LINGO2: variants seen among roughly 807,000 people sequenced by gnomAD.
The protein encoded by LINGO2 is leucine-rich repeat and immunoglobulin-like domain-containing nogo receptor-interacting protein 2.
LINGO2 carries 14 observed loss-of-function variants against 30.6 expected under a neutral mutation model. The ratio of observed to expected loss-of-function variants is 0.46; its 90% CI spans 0.30 to 0.72. LINGO2 has a LOEUF of 0.72. Ranked by LOEUF, LINGO2 falls within the 30% of genes least tolerant of loss-of-function variation. LINGO2 has a pLI of 0.07. For synonymous variants in LINGO2, 317 were observed against 288.5 expected (o/e 1.10, Z -1.00); for missense variants, 729 against 751.7 (o/e 0.97, Z 0.35).
chr9:28,199,733 T>C (rs1281479249), intron 4 of LINGO2, among the ~76,000 whole-genome samples: 3 of 152,164 alleles, frequency 2.0e-5, no homozygotes, highest in Non-Finnish European at 2.9e-5. Flanking sequence ...TTAACATTTT[T>C]TCACATATTA....
chr9:28,082,666 A>T (rs1825805226), intron 4 of LINGO2, among the ~76,000 whole-genome samples: 2 of 152,182 alleles, frequency 1.3e-5, no homozygotes, highest in South Asian at 4.1e-4. Flanking sequence ...TTTAATTTTT[A>T]AAAACTACGT....
chr9:28,484,688 C>T (rs959212149), intron 1 of LINGO2, among the ~76,000 whole-genome samples: 6 of 152,160 alleles, frequency 3.9e-5, no homozygotes, highest in Admixed American at 2.0e-4. Flanking sequence ...ATGAGAATAA[C>T]TAAATTTATC....
intron 3 of LINGO2, among the ~76,000 whole-genome samples, chr9:28,348,189 G>A (rs567253540): frequency 1.6e-4 from 24 of 152,258 alleles, no homozygotes; most frequent in East Asian, 1.4e-3. Context: ...AGCTCCCAGC[G>A]TGAGCGACGC....
the LINGO2 span, among the ~76,000 whole-genome samples, chr9:28,855,956 AAACCTTCTCTTTTGG>A: frequency 2.0e-5 from 3 of 152,042 alleles, no homozygotes; most frequent in Non-Finnish European, 2.9e-5. Flanking sequence ...CACAGAGGTA[AAACCTTCTCTTTTGG>A]ACCTTGATCA....
intron 1 of LINGO2, among the ~76,000 whole-genome samples, chr9:28,484,262 A>C (rs1003147102): frequency 2.0e-5 from 3 of 152,050 alleles, no homozygotes; most frequent in African/African-American, 7.2e-5. Flanking sequence ...TTTTGTTGAC[A>C]AGGAGGGCCC....
chr9:28,758,363 T>G, the LINGO2 span, among the ~76,000 whole-genome samples: 3 of 152,084 alleles, frequency 2.0e-5, no homozygotes, highest in African/African-American at 7.3e-5. Context: ...TTAAATTCAT[T>G]TTGTATTAGT....
chr9:28,617,255 C>G (rs1826170132), intron 1 of LINGO2, among the ~76,000 whole-genome samples: 1 of 151,934 alleles, frequency 6.6e-6, no homozygotes, highest in South Asian at 2.1e-4. Flanking sequence ...TACTTTTCTC[C>G]TCTTTCCGGC....
rs564085266 is a variant in LINGO2 at position 28,240,989 on chromosome 9, G to T, written c.-87+54219C>A. 3.3e-5 allele frequency among the ~76,000 whole-genome samples: 5 copies of T among 152,198 alleles called. No homozygotes were observed. The East Asian group carries it at 9.7e-4, about 29-fold the overall frequency. On this transcript the variant is annotated intron_variant, in intron 4 of 5. Coordinates refer to ENST00000379992, the Ensembl canonical transcript of LINGO2. ...CAAACAACTCCATAAGAAAAAATCT[G>T]GTCGGGCACAGTGGCTCACGCCTGT...
At chr9:28,880,974 T>G in the LINGO2 span, among the ~76,000 whole-genome samples, 1 of 152,038 alleles carries the variant, frequency 6.6e-6, no homozygotes, top group Non-Finnish European at 1.5e-5. Context: ...TTGCTGACCT[T>G]CTCCTTATTA....
At chr9:28,150,358 T>G (rs1827964097) in intron 4 of LINGO2, among the ~76,000 whole-genome samples, 2 of 152,226 alleles carry the variant, frequency 1.3e-5, no homozygotes, top group South Asian at 4.1e-4. Flanking sequence ...TGAAGTTTAC[T>G]TTTTAATTAA....
the LINGO2 span, among the ~76,000 whole-genome samples, chr9:28,804,564 CAAAAA>C: frequency 0.027 from 3,478 of 127,808 alleles, 43 homozygotes; most frequent in South Asian, 0.095. Context: ...AAAACAAAAA[CAAAAA>C]AAAAACAGAT....
chr9:29,086,891 AT>A, the LINGO2 span, among the ~76,000 whole-genome samples: 3,817 of 135,936 alleles, frequency 0.028, 84 homozygotes, highest in African/African-American at 0.071. Context: ...AAGAGCAGTG[AT>A]TTTTTTTTTT....
intron 1 of LINGO2, among the ~76,000 whole-genome samples, chr9:28,493,242 TTTG>T (rs1172588281): frequency 2.0e-5 from 3 of 152,214 alleles, no homozygotes; most frequent in Admixed American, 6.6e-5. Flanking sequence ...AGGGAATCCC[TTTG>T]TTAATACTTC....
chr9:28,743,509 G>C, the LINGO2 span, among the ~76,000 whole-genome samples: 1 of 151,954 alleles, frequency 6.6e-6, no homozygotes, highest in Non-Finnish European at 1.5e-5. Context: ...CAAGGGACAT[G>C]AACTCATCCT....
the LINGO2 span, among the ~76,000 whole-genome samples, chr9:28,886,322 T>C: frequency 6.6e-6 from 1 of 152,036 alleles, no homozygotes; most frequent in Non-Finnish European, 1.5e-5. Context: ...TAAGCTAAAA[T>C]GGTACTATGA....
At chr9:28,904,180 A>AAC in the LINGO2 span, among the ~76,000 whole-genome samples, 12 of 150,890 alleles carry the variant, frequency 8.0e-5, no homozygotes, top group Non-Finnish European at 1.5e-4. Context: ...TAAAAAAAAA[A>AAC]CTCTCAATAA....
chr9:29,163,998 G>T, the LINGO2 span, among the ~76,000 whole-genome samples: 1 of 151,722 alleles, frequency 6.6e-6, no homozygotes, highest in African/African-American at 2.4e-5. Flanking sequence ...TCCATGTCTA[G>T]GTCACAAAAA....
chr9:28,108,018 T>G (rs994088430), intron 4 of LINGO2, among the ~76,000 whole-genome samples: 3 of 152,102 alleles, frequency 2.0e-5, no homozygotes, highest in African/African-American at 7.2e-5. Context: ...ATGAAAATAA[T>G]AGCAGTGCAA....
the LINGO2 span, among the ~76,000 whole-genome samples, chr9:28,884,142 C>G: frequency 2.0e-5 from 3 of 151,558 alleles, no homozygotes; most frequent in Non-Finnish European, 4.4e-5. Flanking sequence ...ATTAGTTGAA[C>G]AAAGTATAAA....
Sources: allele counts gnomAD v4.1 joint callset (sites outside exome capture counted in the v4.1 genomes callset), GRCh38; gene constraint gnomAD v4.1.1; transcripts MANE v1.5; gene names NCBI Gene and HGNC (gene_info 2026-07-23, HGNC 2026-07-21).